Variants in PDAP1 observed in about 807,000 individuals in gnomAD.
PDAP1 encodes 28 kDa heat- and acid-stable phosphoprotein.
In PDAP1, 13 loss-of-function variants were observed where a neutral mutation model predicts 28.0. The ratio of observed to expected loss-of-function variants is 0.46; its 90% CI spans 0.30 to 0.74. The LOEUF (loss-of-function observed/expected upper bound fraction) is 0.74. Ranked by LOEUF, PDAP1 falls within the 30% of genes least tolerant of loss-of-function variation. The pLI, the probability that PDAP1 is intolerant of heterozygous loss-of-function variation, is 0.07. For missense variants in PDAP1, 150 were observed against 230.0 expected, an observed-to-expected ratio of 0.65 and a Z score of 2.25; for synonymous variants, 77 against 85.1, an observed-to-expected ratio of 0.91 and a Z score of 0.52.
chr7:99,399,121 C>T (rs909570157), intron 4 of PDAP1, among the ~76,000 whole-genome samples: 16 of 152,128 alleles, frequency 1.1e-4, no homozygotes, highest in Non-Finnish European at 1.5e-5. Flanking sequence ...GAGAGAGACT[C>T]GGCCTCCCAG....
chr7:99,396,384 C>G lies in PDAP1; in HGVS notation c.*298G>C. The G allele has an allele frequency of 2.1e-6, 1 of 471,872 alleles. No individual in the cohort carries two copies. The highest frequency in any genetic ancestry group is 3.5e-5 in the Admixed American group (1 of 28,860). The allele number at this position is 471,872 out of a possible 1,614,324, so 29.2% of individuals were successfully genotyped here. A position where few individuals can be genotyped will look rare whatever the true frequency, so the allele number is the denominator to read the frequency against. ...ATGAAAGCTCTTCTTACCCCATCTC[C>G]CAGGCACCCCCCAGCAAGGGCTCTG... On this transcript the variant is annotated 3_prime_UTR_variant, in exon 6 of 6. Transcript: ENST00000350498.
intron 4 of PDAP1, 59 bp downstream of exon 4, chr7:99,400,244 C>T: frequency 2.5e-6 from 4 of 1,592,928 alleles, no homozygotes; most frequent in Admixed American, 1.7e-5. Flanking sequence ...CCTTAGCATC[C>T]CACAGGCCAA....
Position 99,400,352 on chromosome 7 carries a change from C to A in PDAP1, c.286G>T (p.Val96Phe), listed in dbSNP as rs376528383. The A allele has an allele frequency of 7.1e-5, 114 of 1,613,892 alleles. No individual in the cohort carries two copies. Among genetic ancestry groups the A allele is most frequent in the Non-Finnish European group, 8.1e-5 (95 of 1,179,908 alleles). ...GGCCCGTCCAGATCCAGTTGTGTGA[C>A]CTTTTTGGTTGTCTGTGCCACCCGG... ...PNRVAQTTKK[V>F]TQLDLDGPKE... Residue 96 changes from valine to phenylalanine, a missense_variant, in exon 4 of 6, where the codon GTC becomes TTC. Coordinates refer to ENST00000350498, the MANE Select transcript of PDAP1 (RefSeq NM_014891.7).
chr7:99,398,613 C>T (rs59460511), intron 4 of PDAP1, among the ~76,000 whole-genome samples: 2,434 of 152,252 alleles, frequency 0.016, 52 homozygotes, highest in African/African-American at 0.056. Flanking sequence ...CTGAGGCAGG[C>T]GGATTGCTTG....
intron 2 of PDAP1, among the ~76,000 whole-genome samples, chr7:99,404,480 A>C (rs866591903): frequency 6.6e-6 from 1 of 152,052 alleles, no homozygotes; most frequent in Non-Finnish European, 1.5e-5. Context: ...AAGGCAGGGC[A>C]TATGTCATGT....
At chr7:99,399,253 T>C (rs1794817921) in intron 4 of PDAP1, among the ~76,000 whole-genome samples, 1 of 152,016 alleles carries the variant, frequency 6.6e-6, no homozygotes, top group Admixed American at 6.5e-5. Context: ...GCTGAGGAGA[T>C]AATACCTGGC....
At chr7:99,396,920 A>G (rs1374593417) in intron 5 of PDAP1, among the ~76,000 whole-genome samples, 180 bp from the exon 6 acceptor site, 1 of 152,038 alleles carries the variant, frequency 6.6e-6, no homozygotes, top group African/African-American at 2.4e-5. Flanking sequence ...GCCCCCCGAC[A>G]TTCCCGACAC....
rs539451067 is a variant in PDAP1, at chr7:99,396,511, C to A, written c.*171G>T. 7.1e-5 allele frequency: 38 copies of A among 536,414 alleles called. No homozygotes were observed. Among genetic ancestry groups the A allele is most frequent in the African/African-American group, 5.2e-4 (27 of 52,200 alleles). The allele number at this position is 536,414 out of a possible 1,614,324, so 33.2% of individuals were successfully genotyped here. On this transcript the variant is annotated 3_prime_UTR_variant, in exon 6 of 6. Coordinates refer to ENST00000350498, the MANE Select transcript of PDAP1 (RefSeq NM_014891.7). The stretch of plus-strand genomic sequence containing the variant: ...AGCTACCCCTCCCCCAGTCCCCCCC[C>A]CCATCCCCCAAACAATTTCTGTGCC...
Position 99,395,020 on chromosome 7 carries a change from C to A in PDAP1, c.*1662G>T. The stretch of plus-strand genomic sequence containing the variant: ...CAACAAAATTGATCCTGAAGCCCAA[C>A]GGCCTTATGCCAAATGGTTCCCTCC... On this transcript the variant is annotated 3_prime_UTR_variant, in exon 6 of 6. Transcript: ENST00000350498. 9.4e-6 allele frequency: 2 copies of A among 213,724 alleles called. No homozygotes were observed. Among genetic ancestry groups the A allele is most frequent in the Non-Finnish European group, 1.7e-5 (2 of 116,982 alleles). 13.2% of individuals were successfully genotyped at this position (213,724 alleles called of 1,614,324 possible).
At chr7:99,408,378 C>A (rs937779666) in intron 1 of PDAP1, among the ~76,000 whole-genome samples, 158 bp downstream of exon 1, 2 of 152,176 alleles carry the variant, frequency 1.3e-5, no homozygotes, top group Non-Finnish European at 2.9e-5. Context: ...GTTTCCCCAT[C>A]GGGACAATTG....
At chr7:99,403,595 G>C (rs1794919828) in intron 2 of PDAP1, 90 bp from the exon 3 acceptor site, 3 of 877,212 alleles carry the variant, frequency 3.4e-6, no homozygotes, top group Middle Eastern at 4.3e-4. Context: ...TGTGGATCTT[G>C]AGAAATCAAG....
intron 4 of PDAP1, 71 bp downstream of exon 4, chr7:99,400,232 G>C: frequency 2.6e-6 from 4 of 1,555,686 alleles, no homozygotes; most frequent in Non-Finnish European, 2.6e-6. Context: ...GCCAGCTGGG[G>C]ACCTTAGCAT....
chr7:99,396,275 AGT>A lies in PDAP1; in HGVS notation c.*405_*406del. The A allele has an allele frequency of 3.6e-6, 1 of 275,298 alleles. No homozygotes were observed. Among genetic ancestry groups the A allele is most frequent in the South Asian group, 3.1e-5 (1 of 32,164 alleles). The allele number at this position is 275,298 out of a possible 1,614,324, so 17.1% of individuals were successfully genotyped here. ...CTCTGAATGAGCACCCAGGCAACAC[AGT>A]CCGGGGCTGTGTGTAGCAAACCTGT... On this transcript the variant is annotated 3_prime_UTR_variant, in exon 6 of 6. Transcript: ENST00000350498.
chr7:99,399,143 G>A (rs988136000), intron 4 of PDAP1, among the ~76,000 whole-genome samples: 1 of 152,162 alleles, frequency 6.6e-6, no homozygotes, highest in Admixed American at 6.5e-5. Flanking sequence ...GGCCTTCAAG[G>A]TACACAGAAC....
intron 4 of PDAP1, among the ~76,000 whole-genome samples, chr7:99,399,082 G>A (rs1160455374): frequency 6.6e-6 from 1 of 152,152 alleles, no homozygotes; most frequent in Non-Finnish European, 1.5e-5. Flanking sequence ...TGCTGGAGGA[G>A]GGGAGGGCCC....
chr7:99,400,527 C>T, intron 3 of PDAP1, 103 bp from the exon 4 acceptor site: 1 of 1,327,610 alleles, frequency 7.5e-7, no homozygotes, highest in South Asian at 1.3e-5. Flanking sequence ...AGGACAAACT[C>T]CTGCTCCACC....
intron 4 of PDAP1, 95 bp downstream of exon 4, chr7:99,400,208 A>T: frequency 7.2e-7 from 1 of 1,390,314 alleles, no homozygotes; most frequent in Non-Finnish European, 1.0e-6. Context: ...AGAAATAAAC[A>T]GCCACAGCTC....
In PDAP1 at chr7:99,400,418, G is replaced by A. The variant is rs1436854942; in HGVS notation, c.220C>T (p.Arg74Cys). The change falls in exon 4 of 6, where the codon CGC becomes TGC. Residue 74 changes from arginine to cysteine, a missense_variant. By Grantham distance (180) the Arg-to-Cys change is radical. Coordinates refer to ENST00000350498, the MANE Select transcript of PDAP1 (RefSeq NM_014891.7). ...EDEEDDYQQK[R>C]KGVEGLIDIE... The stretch of plus-strand genomic sequence containing the variant: ...TCGATGAGCCCTTCAACGCCTTTGC[G>A]CTTTTGCTAGAACAGGGCAAGAAGC... 5.0e-6 allele frequency: 8 copies of A among 1,614,134 alleles called. No individual in the cohort carries two copies. Among genetic ancestry groups the A allele is most frequent in the East Asian group, 2.2e-5 (1 of 44,882 alleles).
At chr7:99,403,268 C>T in intron 3 of PDAP1, 130 bp downstream of exon 3, 1 of 641,262 alleles carries the variant, frequency 1.6e-6, no homozygotes, top group Non-Finnish European at 2.8e-6. Context: ...GTTGTATCTC[C>T]CGTAGTGTAA....
Sources: allele counts gnomAD v4.1 joint callset (sites outside exome capture counted in the v4.1 genomes callset), GRCh38; gene constraint gnomAD v4.1.1; transcripts MANE v1.5; gene names NCBI Gene and HGNC (gene_info 2026-07-23, HGNC 2026-07-21).